YEATS2: variants seen among roughly 807,000 people sequenced by gnomAD.
YEATS2 encodes the protein YEATS domain-containing protein 2.
A neutral mutation model predicts 163.2 loss-of-function variants in YEATS2; 77 were observed. That is an observed-to-expected ratio of 0.47 (90% CI 0.39 to 0.57). YEATS2 has a LOEUF of 0.57. Ranked by LOEUF, YEATS2 falls within the 20% of genes least tolerant of loss-of-function variation. YEATS2 has a pLI of 0.00. For missense variants in YEATS2, 1,549 were observed against 1,729.8 expected (o/e 0.90, Z 1.85); for synonymous variants, 631 against 645.1 (o/e 0.98, Z 0.33).
chr3:183,740,283 A>G (rs1249909192), intron 8 of YEATS2, among the ~76,000 whole-genome samples: 2 of 152,122 alleles, frequency 1.3e-5, no homozygotes, highest in African/African-American at 4.8e-5. Context: ...CCCATCAAAA[A>G]GTGGGCGAAG....
At chr3:183,797,851 T>G in intron 21 of YEATS2, 72 bp from the exon 22 acceptor site, 1 of 1,591,738 alleles carries the variant, frequency 6.3e-7, no homozygotes, top group Non-Finnish European at 8.6e-7. Flanking sequence ...AAAATATGGG[T>G]AGCACAGAGG....
chr3:183,777,569 C>A lies in YEATS2; in HGVS notation c.2605C>A (p.Pro869Thr). The change falls in exon 19 of 31, where the codon CCC (proline) becomes ACC (threonine). Residue 869 changes from proline to threonine, a missense_variant. Physicochemically the swap from Pro to Thr is conservative, Grantham distance 38. Transcript: ENST00000305135. ...QGTFLVGQPS[P>T]QTSGKQLTTG... ...CACATTTTTAGTTGGCCAGCCATCA[C>A]CCCAGACTTCTGGAAAACAACTCAC... 1 of 1,614,074 alleles carries A rather than the reference C, an allele frequency of 6.2e-7. No homozygotes were observed. The highest frequency in any genetic ancestry group is 1.3e-5 in the African/African-American group (1 of 75,032).
At chr3:183,749,648 A>T (rs1025627014) in intron 9 of YEATS2, among the ~76,000 whole-genome samples, 12 of 151,930 alleles carry the variant, frequency 7.9e-5, no homozygotes, top group African/African-American at 2.9e-4. Flanking sequence ...ATTTTTATTT[A>T]TTTATTTTTG....
At chr3:183,803,406 C>A (rs1329295329) in intron 26 of YEATS2, 71 bp downstream of exon 26, 4 of 1,375,780 alleles carry the variant, frequency 2.9e-6, no homozygotes, top group Non-Finnish European at 3.0e-6. Flanking sequence ...GATAAGATTG[C>A]AGCATATTTG....
chr3:183,798,223 G>GC (rs1725342419), intron 22 of YEATS2, among the ~76,000 whole-genome samples, 172 bp downstream of exon 22: 1 of 150,448 alleles, frequency 6.6e-6, no homozygotes, highest in Admixed American at 6.6e-5. Context: ...CGCCTTGAAT[G>GC]CTAGGGCACC....
intron 26 of YEATS2, chr3:183,803,717 A>G: frequency 2.0e-6 from 1 of 505,662 alleles, no homozygotes; most frequent in Non-Finnish European, 3.5e-6. Context: ...GAGTTTAGGG[A>G]AAGCTGGGGT....
intron 8 of YEATS2, among the ~76,000 whole-genome samples, chr3:183,746,748 C>T (rs919415172): frequency 6.6e-6 from 1 of 151,480 alleles, no homozygotes; most frequent in African/African-American, 2.4e-5. Flanking sequence ...TTAATCCACC[C>T]TGTATTGCTT....
intron 1 of YEATS2, among the ~76,000 whole-genome samples, chr3:183,713,901 G>T (rs994029552): frequency 1.3e-5 from 2 of 152,106 alleles, no homozygotes; most frequent in Non-Finnish European, 2.9e-5. Flanking sequence ...TGCCTCCCGG[G>T]TTCAAGCAAT....
At chr3:183,802,500 T>TGA (rs1294793327) in intron 25 of YEATS2, 26 of 86,258 alleles carry the variant, frequency 3.0e-4, no homozygotes, top group East Asian at 1.8e-3. Flanking sequence ...TGTGTGTGTG[T>TGA]GTGTGTGTGT....
rs556475146 is a variant in YEATS2 at position 183,784,500 on chromosome 3, A to G, written c.2737-1625A>G. ...AGGTTCCTTATAGATTCTGGATATT[A>G]GACCTTTGTCGGATGTATGGTTTAT... On this transcript the variant is annotated intron_variant, in intron 19 of 30. Transcript: ENST00000305135. Among the ~76,000 whole-genome samples the G allele has an allele frequency of 3.3e-5, 5 of 152,308 alleles. No homozygotes were observed. The South Asian group carries it at 1.0e-3, about 32-fold the overall frequency.
At position 183,736,728 on chromosome 3, in the gene YEATS2, T is replaced by C. The variant is rs1718380874; in HGVS notation, c.823T>C (p.Phe275Leu). The change falls in exon 8 of 31, where the codon TTT becomes CTT. Residue 275 changes from phenylalanine to leucine, a missense_variant. Coordinates refer to ENST00000305135, the MANE Select transcript of YEATS2 (RefSeq NM_018023.5). ...TCTGCTTTTCCATAGAGAGCCTCCT[T>C]TTCACCTGACCAGAAGAGGCTGGGG... is the stretch of plus-strand genomic sequence containing the variant. Reference protein sequence around the residue: ...NDLVEVREPPFHLTRRGWGEF... With the variant: ...NDLVEVREPPLHLTRRGWGEF... 1 of 1,613,130 alleles carries C rather than the reference T, an allele frequency of 6.2e-7. No individual in the cohort carries two copies. Among genetic ancestry groups the C allele is most frequent in the Non-Finnish European group, 8.5e-7 (1 of 1,179,666 alleles).
intron 16 of YEATS2, among the ~76,000 whole-genome samples, chr3:183,772,892 G>A (rs1217018870): frequency 1.3e-5 from 2 of 152,102 alleles, no homozygotes; most frequent in African/African-American, 2.4e-5. Flanking sequence ...AGTCCCCTGT[G>A]TAAAATGCTG....
intron 1 of YEATS2, among the ~76,000 whole-genome samples, chr3:183,704,230 T>G (rs1387948526): frequency 6.6e-6 from 1 of 151,928 alleles, no homozygotes; most frequent in Non-Finnish European, 1.5e-5. Context: ...ATCTCCCCAC[T>G]TTGGTTTTAG....
chr3:183,803,079 G>C (rs954397405), intron 25 of YEATS2, 177 bp from the exon 26 acceptor site: 17 of 639,640 alleles, frequency 2.7e-5, no homozygotes, highest in Non-Finnish European at 4.7e-5. Context: ...CACACGGCAA[G>C]ACACCTTCTC....
intron 24 of YEATS2, 51 bp downstream of exon 24, chr3:183,800,619 G>C: frequency 7.1e-7 from 1 of 1,404,114 alleles, no homozygotes; most frequent in Non-Finnish European, 1.0e-6. Context: ...TGTTTGTCAC[G>C]CCTGTGACAG....
chr3:183,711,470 CAAAA>C (rs532093071), intron 1 of YEATS2, among the ~76,000 whole-genome samples: 1 of 70,836 alleles, frequency 1.4e-5, no homozygotes, highest in Admixed American at 1.7e-4. Flanking sequence ...GACTCTGTCT[CAAAA>C]AAAAAAAAAA....
intron 5 of YEATS2, among the ~76,000 whole-genome samples, chr3:183,722,670 T>G (rs1055260586): frequency 6.6e-6 from 1 of 151,912 alleles, no homozygotes; most frequent in Non-Finnish European, 1.5e-5. Flanking sequence ...TTTTTTTTTC[T>G]GAGACGGAGT....
chr3:183,711,190 G>T (rs753855634), intron 1 of YEATS2, among the ~76,000 whole-genome samples: 9 of 152,124 alleles, frequency 5.9e-5, no homozygotes, highest in Non-Finnish European at 1.2e-4. Context: ...GCTTTAAACA[G>T]CTGGGCGCAG....
chr3:183,768,758 A>G (rs1470738326), intron 15 of YEATS2, among the ~76,000 whole-genome samples: 1 of 152,130 alleles, frequency 6.6e-6, no homozygotes, highest in Non-Finnish European at 1.5e-5. Context: ...AGATCGCCTG[A>G]GGTCGGGAGT....
Sources: allele counts gnomAD v4.1 joint callset (sites outside exome capture counted in the v4.1 genomes callset), GRCh38; gene constraint gnomAD v4.1.1; transcripts MANE v1.5; gene names NCBI Gene and HGNC (gene_info 2026-07-23, HGNC 2026-07-21).